The following C12orf56 variants were observed in gnomAD, a reference collection of about 807,000 sequenced individuals.
C12orf56 encodes chromosome 12 open reading frame 56.
In C12orf56, 71 loss-of-function variants were observed where a neutral mutation model predicts 69.9. The ratio of observed to expected loss-of-function variants is 1.02; its 90% CI spans 0.84 to 1.24. The LOEUF is 1.24. Among genes scored for constraint, C12orf56 ranks in the 50% most tolerant of loss-of-function variants. The probability of loss-of-function intolerance (pLI) is 0.00; values close to 1 mark genes in which losing one functional copy is unlikely to be tolerated. For missense variants in C12orf56, 732 were observed against 738.5 expected, an observed-to-expected ratio of 0.99 and a Z score of 0.10; for synonymous variants, 276 against 274.1, an observed-to-expected ratio of 1.01 and a Z score of -0.07.
At chr12:64,389,360 G>T (rs1406781045) in intron 1 of C12orf56, 2 of 152,280 alleles carry the variant, frequency 1.3e-5, no homozygotes, top group African/African-American at 4.8e-5. Context: ...TCCTAGCGTC[G>T]ACGCCCCTCC....
In C12orf56 at chr12:64,318,847, C is replaced by T. The variant is rs1160676736; in HGVS notation, c.622G>A (p.Ala208Thr). ...PSPSRRSSQSAPTTGKAVSEP... is the reference protein window; with the variant it reads ...PSPSRRSSQSTPTTGKAVSEP... ...CTGACAGCCTTGCCAGTTGTTGGTG[C>T]AGACTGAGAGCTCCTCCTGGAGGGG... is the stretch of plus-strand genomic sequence containing the variant. The change falls in exon 4 of 13, where the codon GCA becomes ACA. Residue 208 changes from alanine (A) to threonine (T), a missense_variant. Physicochemically the swap from Ala to Thr is moderately conservative, Grantham distance 58. Coordinates refer to ENST00000543942, the MANE Select transcript of C12orf56 (RefSeq NM_001170633.2). 3 of 1,537,170 alleles carry T rather than the reference C, an allele frequency of 2.0e-6. No homozygotes were observed. The highest frequency in any genetic ancestry group is 2.6e-6 in the Non-Finnish European group (3 of 1,146,896).
chr12:64,271,059 A>G (rs776197574), intron 11 of C12orf56, among the ~76,000 whole-genome samples: 1 of 152,058 alleles, frequency 6.6e-6, no homozygotes, highest in Non-Finnish European at 1.5e-5. Context: ...CCAGCTACTC[A>G]GGAGGCTGAG....
At position 64,265,329 on chromosome 12, in the gene C12orf56, A is replaced by G. The variant is rs1004446879; in HGVS notation, c.*1854T>C. 2.6e-5 allele frequency: 4 copies of G among 152,216 alleles called. No homozygotes were observed. The highest frequency in any genetic ancestry group is 9.7e-5 in the African/African-American group (4 of 41,450). 9.4% of individuals were successfully genotyped at this position (152,216 alleles called of 1,614,324 possible). Reference sequence around the variant, plus strand: ...GACTCCTCATTGGGTAATGAAGGAAAAGACTTGGACACTTTATGGGGTGAT... The same window carrying G: ...GACTCCTCATTGGGTAATGAAGGAAGAGACTTGGACACTTTATGGGGTGAT... On this transcript the variant is annotated 3_prime_UTR_variant, in exon 13 of 13. Transcript: ENST00000543942.
intron 4 of C12orf56, among the ~76,000 whole-genome samples, chr12:64,313,482 G>A (rs1251626848): frequency 1.3e-5 from 2 of 151,860 alleles, no homozygotes; most frequent in African/African-American, 2.4e-5. Context: ...AGGAGTTGGA[G>A]GCTGCAGTGA....
At chr12:64,282,331 C>T (rs1436354084) in intron 8 of C12orf56, among the ~76,000 whole-genome samples, 1 of 152,266 alleles carries the variant, frequency 6.6e-6, no homozygotes, top group African/African-American at 2.4e-5. Flanking sequence ...CAGAACACAA[C>T]TGTGTCCATT....
chr12:64,380,136 A>AAAAC (rs1249440682), intron 1 of C12orf56, among the ~76,000 whole-genome samples: 1 of 37,026 alleles, frequency 2.7e-5, no homozygotes, highest in Non-Finnish European at 7.1e-5. Flanking sequence ...AAAAAAAAAC[A>AAAAC]AAACAAACAA....
chr12:64,367,288 T>A (rs1410390266), intron 1 of C12orf56, among the ~76,000 whole-genome samples: 1 of 131,698 alleles, frequency 7.6e-6, no homozygotes, highest in African/African-American at 2.9e-5. Flanking sequence ...TTATATATAA[T>A]ATACAGTTTA....
intron 1 of C12orf56, among the ~76,000 whole-genome samples, chr12:64,381,612 C>T (rs1298247799): frequency 3.9e-5 from 6 of 152,112 alleles, no homozygotes; most frequent in Non-Finnish European, 7.4e-5. Context: ...AAAATGGAGT[C>T]GGTTAGGTCA....
chr12:64,336,213 G>A (rs1167538032), intron 2 of C12orf56, among the ~76,000 whole-genome samples: 1 of 152,178 alleles, frequency 6.6e-6, no homozygotes, highest in Non-Finnish European at 1.5e-5. Flanking sequence ...TTGTAATGTA[G>A]CTGGGGCTCC....
rs777627701 is a variant in C12orf56 at position 64,390,282 on chromosome 12, C to T, written c.252+32G>A. On this transcript the variant is annotated intron_variant, in intron 1 of 12. Transcript: ENST00000543942. ...CCCAGCCGGGAGTTCTCACTGCGCT[C>T]CCGAGCCCGCCTGCCCACCCGCGCC... 7 of 1,572,422 alleles carry T rather than the reference C, an allele frequency of 4.5e-6. No individual in the cohort carries two copies. In the Admixed American group the frequency reaches 7.1e-5, roughly 16 times the overall value.
At position 64,275,357 on chromosome 12, in the gene C12orf56, G is replaced by T. The variant is rs2038038322; in HGVS notation, c.1450C>A (p.Leu484Met). ...SFDAELQKLI[L>M]EYTNTATALL... is the part of the protein sequence containing the mutation. ...GCTGTAGCAGTATTTGTATACTCCA[G>T]AATAAGCTTCTGTAACTAGAATTTT... Residue 484 changes from leucine to methionine, a missense_variant, in exon 10 of 13, where the codon CTG becomes ATG. Leu to Met is a conservative substitution (Grantham distance 15). Coordinates refer to ENST00000543942, the MANE Select transcript of C12orf56 (RefSeq NM_001170633.2). 8 of 1,408,404 alleles carry T rather than the reference G, an allele frequency of 5.7e-6. No homozygotes were observed. Among genetic ancestry groups the T allele is most frequent in the Middle Eastern group, 1.8e-4 (1 of 5,522 alleles). The allele number at this position is 1,408,404 out of a possible 1,614,324, so 87.2% of individuals were successfully genotyped here. A position where few individuals can be genotyped will look rare whatever the true frequency, so the allele number is the denominator to read the frequency against.
intron 2 of C12orf56, among the ~76,000 whole-genome samples, chr12:64,346,769 A>G (rs1394050748): frequency 6.6e-6 from 1 of 152,098 alleles, no homozygotes; most frequent in Non-Finnish European, 1.5e-5. Context: ...CATTTGTTCT[A>G]TTGTTGAAAG....
intron 4 of C12orf56, among the ~76,000 whole-genome samples, chr12:64,317,248 C>T (rs138094732): frequency 2.0e-5 from 3 of 152,006 alleles, no homozygotes; most frequent in African/African-American, 7.2e-5. Context: ...TTTATAAAAC[C>T]CTGGCTTCCT....
In C12orf56 at chr12:64,390,669, G is replaced by T. The variant is rs2039858573; in HGVS notation, c.-104C>A. The T allele has an allele frequency of 1.5e-6, 2 of 1,358,684 alleles. No homozygotes were observed. Among genetic ancestry groups the T allele is most frequent in the Non-Finnish European group, 1.9e-6 (2 of 1,060,054 alleles). The allele number at this position is 1,358,684 out of a possible 1,614,324, so 84.2% of individuals were successfully genotyped here. Reference sequence around the variant, plus strand: ...CGCGCGCCACAAAGCCGCCGGCCACGCGTCGCCTCCTCTCCAGGCGCGGGG... The same window carrying T: ...CGCGCGCCACAAAGCCGCCGGCCACTCGTCGCCTCCTCTCCAGGCGCGGGG... On this transcript the variant is annotated 5_prime_UTR_variant, in exon 1 of 13. Transcript: ENST00000543942.
chr12:64,344,659 A>G (rs1378626563), intron 2 of C12orf56, among the ~76,000 whole-genome samples: 4 of 152,204 alleles, frequency 2.6e-5, no homozygotes, highest in Non-Finnish European at 5.9e-5. Context: ...TCTGACATAC[A>G]GAGAAGAGCA....
At chr12:64,378,330 T>A (rs1185061383) in intron 1 of C12orf56, among the ~76,000 whole-genome samples, 1 of 152,182 alleles carries the variant, frequency 6.6e-6, no homozygotes, top group Non-Finnish European at 1.5e-5. Context: ...GTACATAAAT[T>A]TACTAAGTTA....
intron 1 of C12orf56, among the ~76,000 whole-genome samples, chr12:64,354,189 A>C (rs1168597890): frequency 1.3e-5 from 2 of 152,204 alleles, no homozygotes; most frequent in African/African-American, 4.8e-5. Context: ...TAAAAAAGGG[A>C]AAAGGTCTCA....
chr12:64,308,388 GGTTT>G (rs948731124), intron 5 of C12orf56, among the ~76,000 whole-genome samples: 4 of 151,844 alleles, frequency 2.6e-5, no homozygotes, highest in Non-Finnish European at 5.9e-5. Flanking sequence ...TCTTAGTTTT[GGTTT>G]GTTAAAATCA....
At chr12:64,336,045 G>A (rs752103788) in intron 2 of C12orf56, among the ~76,000 whole-genome samples, 1 of 152,188 alleles carries the variant, frequency 6.6e-6, no homozygotes, top group South Asian at 2.1e-4. Context: ...GTTTGGGCCT[G>A]TCTCTTGCTT....
Sources: gnomAD v4.1 joint callset for allele counts (sites outside exome capture counted in the v4.1 genomes callset) on GRCh38, gnomAD v4.1.1 for gene constraint, MANE v1.5 for transcripts, NCBI Gene and HGNC (gene_info 2026-07-23, HGNC 2026-07-21) for gene names.